Variants in USP30 observed in about 807,000 individuals in gnomAD.
USP30 encodes the protein ubiquitin carboxyl-terminal hydrolase 30.
A neutral mutation model predicts 68.2 loss-of-function variants in USP30; 41 were observed. The observed-to-expected ratio is 0.60, with a 90% CI of 0.47 to 0.78. The LOEUF (loss-of-function observed/expected upper bound fraction) is 0.78. Ranked by LOEUF, USP30 falls within the 30% of genes least tolerant of loss-of-function variation. The probability of loss-of-function intolerance (pLI) is 0.00; values close to 1 mark genes in which losing one functional copy is unlikely to be tolerated. For missense variants in USP30, 522 were observed against 649.4 expected (o/e 0.80, Z 2.13); for synonymous variants, 229 against 253.7 (o/e 0.90, Z 0.93).
At position 109,070,201 on chromosome 12, in the gene USP30, C is replaced by A. The variant is rs775790531; in HGVS notation, c.481-1411C>A. Among the ~76,000 whole-genome samples, 4 of 152,050 alleles carry A rather than the reference C, an allele frequency of 2.6e-5. No homozygotes were observed. The highest frequency in any genetic ancestry group is 9.7e-5 in the African/African-American group (4 of 41,382). On this transcript the variant is annotated intron_variant, in intron 4 of 12. Coordinates refer to ENST00000257548, the MANE Select transcript of USP30 (RefSeq NM_032663.5). This position sits in a 1 kb window ranked among gnomAD's most constrained non-coding sequence, Gnocchi z 4.0. ...TGGGAGGCCGCTGCAGTTATCTGGC[C>A]GAGATGGTGTGGCTCAGACTGGGGT...
chr12:109,038,516 G>A lies in USP30; in HGVS notation c.-135-9074G>A, dbSNP rs77767632. Among the ~76,000 whole-genome samples the A allele has an allele frequency of 3.4e-3, 521 of 151,422 alleles. 3 individuals carry two copies. Among genetic ancestry groups the A allele is most frequent in the African/African-American group, 0.012 (493 of 41,280 alleles). ...TTTGCTAGTCTATCTTTTTTTTGCT[G>A]CAATTGTTATTCATTTCTTCAGCAA... On this transcript the variant is annotated intron_variant, in intron 3 of 15. Transcript: ENST00000392784.
chr12:109,061,405 A>G (rs1321048973), intron 3 of USP30, among the ~76,000 whole-genome samples: 2 of 151,680 alleles, frequency 1.3e-5, no homozygotes, highest in African/African-American at 2.4e-5. Context: ...AAAAAAAAAA[A>G]AAAAATTTTT....
intron 3 of USP30, among the ~76,000 whole-genome samples, chr12:109,029,139 T>G (rs538298789): frequency 6.6e-6 from 1 of 152,330 alleles, no homozygotes; most frequent in South Asian, 2.1e-4. Flanking sequence ...CCAGTTTATA[T>G]AGATCATGGA....
intron 7 of USP30, among the ~76,000 whole-genome samples, chr12:109,078,866 C>A (rs1271195388): frequency 6.6e-6 from 1 of 152,072 alleles, no homozygotes; most frequent in Non-Finnish European, 1.5e-5. Context: ...GACAGTGTTG[C>A]CGTGGTTTTG....
At chr12:109,059,580 C>G (rs1452980667) in intron 3 of USP30, among the ~76,000 whole-genome samples, 1 of 152,170 alleles carries the variant, frequency 6.6e-6, no homozygotes, top group Non-Finnish European at 1.5e-5. Context: ...GTAGCACGAT[C>G]TCAGCTCACT....
intron 3 of USP30, among the ~76,000 whole-genome samples, chr12:109,044,127 C>T (rs1054104400): frequency 6.6e-6 from 1 of 152,284 alleles, no homozygotes; most frequent in East Asian, 1.9e-4. Flanking sequence ...AGACAAATTA[C>T]TGTATGATTC....
chr12:109,081,623 GCACA>G (rs61164773), intron 8 of USP30: 114,181 of 489,748 alleles, frequency 0.23, 6,228 homozygotes, highest in East Asian at 0.34. Context: ...ACGCATGCGC[GCACA>G]CACACACACA....
chr12:109,077,735 A>G (rs2041653285), intron 7 of USP30, among the ~76,000 whole-genome samples: 1 of 150,390 alleles, frequency 6.6e-6, no homozygotes, highest in Non-Finnish European at 1.5e-5. Flanking sequence ...TTCCCCCTTC[A>G]CTGGCTTCTT....
intron 3 of USP30, among the ~76,000 whole-genome samples, chr12:109,030,926 T>C (rs990725551): frequency 6.6e-6 from 1 of 152,214 alleles, no homozygotes; most frequent in African/African-American, 2.4e-5. Context: ...TTGTGATTCT[T>C]TTACAATGTA....
intron 3 of USP30, among the ~76,000 whole-genome samples, chr12:109,042,133 C>A (rs954409837): frequency 6.6e-6 from 1 of 151,214 alleles, no homozygotes; most frequent in Admixed American, 6.6e-5. Flanking sequence ...TATCTTCATA[C>A]GAGATTGTGA....
chr12:109,045,702 G>T (rs988861300), intron 3 of USP30, among the ~76,000 whole-genome samples: 3 of 152,186 alleles, frequency 2.0e-5, no homozygotes, highest in East Asian at 1.9e-4. Flanking sequence ...CTAGCATGGG[G>T]TCTTGTCGGT....
intron 2 of USP30, among the ~76,000 whole-genome samples, chr12:109,025,715 A>G (rs936063430): frequency 1.2e-4 from 19 of 152,018 alleles, no homozygotes; most frequent in Non-Finnish European, 1.5e-5. Context: ...TCTGTCACCC[A>G]GGCTGGAGTG....
intron 3 of USP30, among the ~76,000 whole-genome samples, chr12:109,067,107 ATTTTTTT>A (rs754748366): frequency 1.2e-4 from 13 of 104,568 alleles, no homozygotes; most frequent in East Asian, 2.7e-4. Context: ...ACAGTCCTTA[ATTTTTTT>A]TTTTTTTTTT....
chr12:109,039,721 C>T (rs2040549360), intron 3 of USP30, among the ~76,000 whole-genome samples: 1 of 152,162 alleles, frequency 6.6e-6, no homozygotes, highest in Admixed American at 6.5e-5. Flanking sequence ...AGCAATTCTT[C>T]TGCCTCAGCC....
At chr12:109,029,884 A>G (rs898298413) in intron 3 of USP30, among the ~76,000 whole-genome samples, 1 of 152,076 alleles carries the variant, frequency 6.6e-6, no homozygotes, top group Non-Finnish European at 1.5e-5. Flanking sequence ...GATTAACATT[A>G]ATGGTACCCT....
At chr12:109,067,177 G>C (rs1376862547) in intron 3 of USP30, among the ~76,000 whole-genome samples, 1 of 140,346 alleles carries the variant, frequency 7.1e-6, no homozygotes, top group Non-Finnish European at 1.5e-5. Context: ...GCAGTGGCAC[G>C]ATGTCTGCTC....
At chr12:109,077,966 T>C (rs2041662324) in intron 7 of USP30, among the ~76,000 whole-genome samples, 1 of 150,914 alleles carries the variant, frequency 6.6e-6, no homozygotes, top group Non-Finnish European at 1.5e-5. Context: ...TGTGCTATTA[T>C]ACATACATTA....
chr12:109,031,131 A>G (rs1184654088), intron 3 of USP30, among the ~76,000 whole-genome samples: 1 of 152,242 alleles, frequency 6.6e-6, no homozygotes, highest in Non-Finnish European at 1.5e-5. Context: ...ATCTTAATAT[A>G]GTATATTTTA....
intron 1 of USP30, among the ~76,000 whole-genome samples, chr12:109,055,379 C>CATATATATATATATATATATACAT (rs2040816736): frequency 2.9e-4 from 17 of 58,928 alleles, no homozygotes; most frequent in East Asian, 9.8e-4. Context: ...CATATATATA[C>CATATATATATATATATATATACAT]ATATATATAT....
Sources: gnomAD v4.1 joint callset for allele counts (sites outside exome capture counted in the v4.1 genomes callset) on GRCh38, gnomAD v4.1.1 for gene constraint, Gnocchi (gnomAD v3.1) non-coding constraint, MANE v1.5 for transcripts, NCBI Gene and HGNC (gene_info 2026-07-23, HGNC 2026-07-21) for gene names.